Variants in ROBO1 observed in about 807,000 individuals in gnomAD.
ROBO1 encodes the protein roundabout homolog 1.
A neutral mutation model predicts 195.9 loss-of-function variants in ROBO1; 149 were observed. The observed-to-expected ratio is 0.76, with a 90% CI of 0.67 to 0.87. The LOEUF (loss-of-function observed/expected upper bound fraction) is 0.87, where lower values mean the gene tolerates loss of function less well. ROBO1 is among the 40% of genes least tolerant of loss of function. The probability of loss-of-function intolerance (pLI) is 0.00; values close to 1 mark genes in which losing one functional copy is unlikely to be tolerated. For missense variants in ROBO1, 1,933 were observed against 2,068.3 expected, an observed-to-expected ratio of 0.93 and a Z score of 1.27; for synonymous variants, 816 against 733.2, an observed-to-expected ratio of 1.11 and a Z score of -1.82.
intron 4 of ROBO1, among the ~76,000 whole-genome samples, chr3:78,907,017 C>T (rs2037962585): frequency 6.6e-6 from 1 of 152,172 alleles, no homozygotes; most frequent in East Asian, 1.9e-4. Flanking sequence ...TTCATAAAGA[C>T]ATCGAGTTGG....
rs772010552 is a variant in ROBO1 at position 79,125,455 on chromosome 3, C to T, written c.172+1G>A. ...TAGTATTTGGGAAAGAGACACTCTA[C>T]CTGTATAGCCCAGCGAATTGTCATC... On this transcript the variant is annotated splice_donor_variant, in intron 3 of 30. Coordinates refer to ENST00000464233, the MANE Select transcript of ROBO1 (RefSeq NM_002941.4). LOFTEE classifies it high-confidence loss of function. The T allele has an allele frequency of 6.2e-7, 1 of 1,612,910 alleles. No homozygotes were observed. The highest frequency in any genetic ancestry group is 8.5e-7 in the Non-Finnish European group (1 of 1,179,320).
intron 4 of ROBO1, among the ~76,000 whole-genome samples, chr3:78,900,965 T>C (rs1401459886): frequency 6.6e-6 from 1 of 152,176 alleles, no homozygotes; most frequent in Non-Finnish European, 1.5e-5. Context: ...CATCTGTCTC[T>C]TTCTCATTAC....
rs551766270 is a variant in ROBO1 at position 78,991,451 on chromosome 3, A to G, written c.173-52524T>C. Among the ~76,000 whole-genome samples the G allele has an allele frequency of 2.0e-5, 3 of 152,350 alleles. No homozygotes were observed. In the East Asian group the frequency reaches 5.8e-4, roughly 29 times the overall value. On this transcript the variant is annotated intron_variant, in intron 3 of 30. Coordinates refer to ENST00000464233, the MANE Select transcript of ROBO1 (RefSeq NM_002941.4). ...ATTAATTGAAGGTCTGTATAAGGAC[A>G]AATCTTTCACTTGTCATCCCCTCCC...
At chr3:78,619,102 A>C (rs1183031277) in intron 26 of ROBO1, among the ~76,000 whole-genome samples, 2 of 152,202 alleles carry the variant, frequency 1.3e-5, no homozygotes, top group African/African-American at 4.8e-5. Flanking sequence ...TTGGTCAGTG[A>C]CTTGCTCAAC....
intron 2 of ROBO1, among the ~76,000 whole-genome samples, chr3:79,229,702 G>A (rs1460224103): frequency 6.6e-6 from 1 of 152,092 alleles, no homozygotes; most frequent in African/African-American, 2.4e-5. Flanking sequence ...TTACAGGCAT[G>A]AGCCATCGTG....
At chr3:79,665,556 A>AG (rs1946452749) in intron 1 of ROBO1, among the ~76,000 whole-genome samples, 1 of 151,838 alleles carries the variant, frequency 6.6e-6, no homozygotes, top group African/African-American at 2.4e-5. Context: ...AATAGCCGTG[A>AG]GGTCTTGTAA....
chr3:78,960,783 C>CACACACAA (rs1241835848), intron 3 of ROBO1, among the ~76,000 whole-genome samples: 18 of 13,308 alleles, frequency 1.4e-3, no homozygotes, highest in Non-Finnish European at 2.1e-3. Flanking sequence ...TATTAAAACA[C>CACACACAA]ACACACACAC....
In ROBO1 at chr3:79,315,937, T is replaced by C. The variant is rs2033708935; in HGVS notation, c.89-190398A>G. ...AATAAGCTAACAAGGAAGTCCGAGA[T>C]AGAGTTGTGAAAGAGTTGGAGAAAA... is the stretch of plus-strand genomic sequence containing the variant. On this transcript the variant is annotated intron_variant, in intron 2 of 30. Coordinates refer to ENST00000464233, the MANE Select transcript of ROBO1 (RefSeq NM_002941.4). Among the ~76,000 whole-genome samples the C allele has an allele frequency of 2.0e-5, 3 of 152,268 alleles. No individual in the cohort carries two copies. The South Asian group carries it at 6.2e-4, about 32-fold the overall frequency.
At chr3:79,505,013 T>G (rs1038492632) in intron 2 of ROBO1, among the ~76,000 whole-genome samples, 1 of 140,132 alleles carries the variant, frequency 7.1e-6, no homozygotes, top group Non-Finnish European at 1.5e-5. Context: ...TTATAGATGC[T>G]AAGAATACCT....
intron 2 of ROBO1, among the ~76,000 whole-genome samples, chr3:79,302,283 G>C (rs2032998749): frequency 6.6e-6 from 1 of 152,176 alleles, no homozygotes; most frequent in African/African-American, 2.4e-5. Context: ...AACGTGGTGA[G>C]AAATGAGAAT....
At chr3:78,676,570 T>C (rs536893452) in intron 10 of ROBO1, among the ~76,000 whole-genome samples, 1 of 152,178 alleles carries the variant, frequency 6.6e-6, no homozygotes, top group Admixed American at 6.5e-5. Context: ...GAAGAAAGGG[T>C]ATCAGTGATG....
rs115896948 is a variant in ROBO1 at position 79,063,702 on chromosome 3, G to C, written c.172+61754C>G. Among the ~76,000 whole-genome samples the C allele has an allele frequency of 3.6e-3, 549 of 151,948 alleles. 1 individual carries two copies. Among genetic ancestry groups the C allele is most frequent in the Non-Finnish European group, 5.5e-3 (376 of 67,908 alleles). On this transcript the variant is annotated intron_variant, in intron 3 of 30. Coordinates refer to ENST00000464233, the MANE Select transcript of ROBO1 (RefSeq NM_002941.4). ...CCTAGTTCAGCATGCCGCAGCTCCA[G>C]AGAGTTGATTGTAAAATATTCTGGA...
chr3:79,585,526 C>T (rs535732196), intron 2 of ROBO1, among the ~76,000 whole-genome samples: 1 of 151,892 alleles, frequency 6.6e-6, no homozygotes, highest in Non-Finnish European at 1.5e-5. Flanking sequence ...GCGAAATAAA[C>T]CAGTAGTGGC....
chr3:79,210,967 G>A (rs982001674), intron 2 of ROBO1, among the ~76,000 whole-genome samples: 4 of 151,964 alleles, frequency 2.6e-5, no homozygotes, highest in Non-Finnish European at 5.9e-5. Flanking sequence ...ATTAAATTGT[G>A]CTTTATTAAC....
intron 2 of ROBO1, among the ~76,000 whole-genome samples, chr3:79,148,623 C>T (rs2311351): frequency 0.72 from 108,996 of 151,586 alleles, 39,241 homozygotes; most frequent in East Asian, 0.79. Context: ...GGAACATTCA[C>T]GTAAGGTCTA....
chr3:79,193,291 G>A (rs1176649993), intron 2 of ROBO1, among the ~76,000 whole-genome samples: 3 of 151,764 alleles, frequency 2.0e-5, no homozygotes, highest in East Asian at 3.9e-4. Flanking sequence ...TGTGGATGAC[G>A]TGATTATAAC....
At chr3:79,762,446 A>T (rs547807359) in intron 1 of ROBO1, among the ~76,000 whole-genome samples, 1 of 141,988 alleles carries the variant, frequency 7.0e-6, no homozygotes, top group East Asian at 2.1e-4. Context: ...AATGATTACA[A>T]TGGAATTTCA....
chr3:78,668,695 C>T, intron 11 of ROBO1, 130 bp from the exon 12 acceptor site: 1 of 662,430 alleles, frequency 1.5e-6, no homozygotes, highest in Non-Finnish European at 2.5e-6. Context: ...CAGAAACTTC[C>T]CCTTAGTTGA....
intron 2 of ROBO1, among the ~76,000 whole-genome samples, chr3:79,412,822 A>G (rs2037828586): frequency 7.5e-6 from 1 of 133,346 alleles, no homozygotes; most frequent in African/African-American, 2.9e-5. Context: ...ACATGTTGGT[A>G]TATTCCATCT....
Sources: gnomAD v4.1 joint callset for allele counts (sites outside exome capture counted in the v4.1 genomes callset) on GRCh38, gnomAD v4.1.1 for gene constraint, MANE v1.5 for transcripts, NCBI Gene and HGNC (gene_info 2026-07-23, HGNC 2026-07-21) for gene names.